The following TBCK variants were observed in gnomAD, a reference collection of about 807,000 sequenced individuals.
TBCK encodes the protein TBC1 domain containing kinase.
TBCK carries 99 observed loss-of-function variants against 113.4 expected under a neutral mutation model. That is an observed-to-expected ratio of 0.87 (90% CI 0.74 to 1.03). TBCK has a LOEUF of 1.03. Ranked by LOEUF, TBCK falls within the 50% of genes least tolerant of loss-of-function variation. The pLI, the probability that TBCK is intolerant of heterozygous loss-of-function variation, is 0.00. For missense variants in TBCK, 1,045 were observed against 1,061.3 expected (o/e 0.98, Z 0.21); for synonymous variants, 369 against 370.8 (o/e 1.00, Z 0.05).
chr4:106,249,424 C>A (rs185714618), intron 7 of TBCK, among the ~76,000 whole-genome samples: 1 of 152,264 alleles, frequency 6.6e-6, no homozygotes, highest in Admixed American at 6.5e-5. Context: ...GTAGGACCGA[C>A]TTTTCATACA....
chr4:106,207,064 C>T (rs1487873875), intron 20 of TBCK, among the ~76,000 whole-genome samples: 8 of 151,994 alleles, frequency 5.3e-5, no homozygotes, highest in African/African-American at 1.9e-4. Flanking sequence ...TAAATGAGGC[C>T]TACTATATTT....
At chr4:106,065,039 G>A (rs1736477621) in intron 25 of TBCK, among the ~76,000 whole-genome samples, 1 of 151,970 alleles carries the variant, frequency 6.6e-6, no homozygotes, top group South Asian at 2.1e-4. Context: ...GTGGGTAATG[G>A]TTGCCATGGG....
chr4:106,200,589 T>G (rs1057348469), intron 20 of TBCK, among the ~76,000 whole-genome samples: 15 of 151,832 alleles, frequency 9.9e-5, no homozygotes, highest in Non-Finnish European at 1.5e-4. Flanking sequence ...GCACATAACA[T>G]CCATACCTCT....
At chr4:106,119,072 T>C (rs773208831) in intron 23 of TBCK, among the ~76,000 whole-genome samples, 6 of 152,210 alleles carry the variant, frequency 3.9e-5, no homozygotes, top group Non-Finnish European at 8.8e-5. Flanking sequence ...TTTTTCATAC[T>C]TTTATAAGCA....
chr4:106,146,363 C>T (rs114530653), intron 23 of TBCK, among the ~76,000 whole-genome samples: 100 of 152,206 alleles, frequency 6.6e-4, no homozygotes, highest in Non-Finnish European at 1.3e-3. Flanking sequence ...CCAAATACTG[C>T]ATGTTCTCTT....
intron 22 of TBCK, among the ~76,000 whole-genome samples, chr4:106,190,000 T>G (rs1212739328): frequency 1.3e-5 from 2 of 152,216 alleles, no homozygotes; most frequent in Admixed American, 1.3e-4. Flanking sequence ...TAGGTATCAT[T>G]TACTTAAGAA....
chr4:106,312,375 T>C (rs1327535495), intron 1 of TBCK, among the ~76,000 whole-genome samples: 1 of 152,064 alleles, frequency 6.6e-6, no homozygotes, highest in Non-Finnish European at 1.5e-5. Flanking sequence ...CTTAATATCA[T>C]TAATTGGGGG....
At chr4:106,118,317 A>C (rs1317477322) in intron 23 of TBCK, among the ~76,000 whole-genome samples, 2 of 152,160 alleles carry the variant, frequency 1.3e-5, no homozygotes, top group Admixed American at 1.3e-4. Flanking sequence ...CCCCAGTTGT[A>C]CTCTGAATTT....
chr4:106,107,370 C>T (rs1578911801), intron 24 of TBCK, among the ~76,000 whole-genome samples: 1 of 152,100 alleles, frequency 6.6e-6, no homozygotes, highest in Non-Finnish European at 1.5e-5. Context: ...ACTCTAAAAT[C>T]GACCACATAA....
intron 3 of TBCK, among the ~76,000 whole-genome samples, chr4:106,282,835 C>T (rs1457795345): frequency 6.6e-6 from 1 of 152,036 alleles, no homozygotes; most frequent in African/African-American, 2.4e-5. Context: ...AAACACATGA[C>T]AAGAAATGTA....
At chr4:106,151,035 TTTTA>T (rs1420295100) in intron 23 of TBCK, among the ~76,000 whole-genome samples, 9 of 150,716 alleles carry the variant, frequency 6.0e-5, no homozygotes, top group Admixed American at 3.4e-4. Flanking sequence ...TTTTCAAAAC[TTTTA>T]TTTTTTATTT....
At chr4:106,239,741 C>T (rs924801178) in intron 12 of TBCK, among the ~76,000 whole-genome samples, 3 of 151,996 alleles carry the variant, frequency 2.0e-5, no homozygotes, top group African/African-American at 7.2e-5. Context: ...GTAATGATTA[C>T]ACCCAAATAG....
intron 23 of TBCK, among the ~76,000 whole-genome samples, chr4:106,154,708 C>T (rs1037299573): frequency 5.3e-5 from 8 of 152,124 alleles, no homozygotes; most frequent in Non-Finnish European, 1.0e-4. Context: ...TTGAGGCCTC[C>T]GCAAAGGCAG....
At position 106,289,717 on chromosome 4, in the gene TBCK, G is replaced by A. The variant is rs995094431; in HGVS notation, c.266+5377C>T. Among the ~76,000 whole-genome samples, 14 of 149,084 alleles carry A rather than the reference G, an allele frequency of 9.4e-5. No individual in the cohort carries two copies. In the East Asian group the frequency reaches 9.9e-4, roughly 11 times the overall value. On this transcript the variant is annotated intron_variant, in intron 3 of 25. Coordinates refer to ENST00000394708, the MANE Select transcript of TBCK (RefSeq NM_001163435.3). ...CGGGAGGCAGAGGTTGCAGTGAGCC[G>A]AGATCATGCCACTGCACTCCAGCCT...
chr4:106,123,526 C>A (rs182501722), intron 23 of TBCK, among the ~76,000 whole-genome samples: 5,075 of 152,132 alleles, frequency 0.033, 284 homozygotes, highest in African/African-American at 0.12. Context: ...AAACTACTTT[C>A]AAGTTCATAT....
At chr4:106,056,730 C>G (rs1279672288) in intron 25 of TBCK, among the ~76,000 whole-genome samples, 2 of 151,686 alleles carry the variant, frequency 1.3e-5, no homozygotes, top group Admixed American at 6.6e-5. Context: ...CAGTCAGTAT[C>G]ATACAGAGAT....
chr4:106,316,359 G>A (rs1013866966), upstream of TBCK: 7 of 608,464 alleles, frequency 1.2e-5, no homozygotes, highest in Admixed American at 5.0e-5. Flanking sequence ...GGGGGGACGG[G>A]GGGGGTCGAT....
intron 25 of TBCK, among the ~76,000 whole-genome samples, chr4:106,088,245 C>G (rs866139370): frequency 3.2e-4 from 49 of 152,246 alleles, no homozygotes; most frequent in African/African-American, 1.1e-3. Flanking sequence ...GGAACTTAAA[C>G]ATATTTACAA....
chr4:106,183,859 C>T (rs1487294812), intron 22 of TBCK, among the ~76,000 whole-genome samples: 1 of 152,026 alleles, frequency 6.6e-6, no homozygotes, highest in African/African-American at 2.4e-5. Context: ...ATCTATACAA[C>T]ATTTTTGCAT....
Sources: gnomAD v4.1 joint callset for allele counts (sites outside exome capture counted in the v4.1 genomes callset) on GRCh38, gnomAD v4.1.1 for gene constraint, MANE v1.5 for transcripts, NCBI Gene and HGNC (gene_info 2026-07-23, HGNC 2026-07-21) for gene names.